The following CNTLN variants were observed in gnomAD, a reference collection of about 807,000 sequenced individuals.
CNTLN encodes the protein centlein, centrosomal protein.
CNTLN carries 212 observed loss-of-function variants against 180.0 expected under a neutral mutation model. The ratio of observed to expected loss-of-function variants is 1.18; its 90% confidence interval spans 1.05 to 1.32. The LOEUF (loss-of-function observed/expected upper bound fraction) is 1.32, where lower values mean the gene tolerates loss of function less well. CNTLN is among the 40% of genes most tolerant of loss of function. The pLI is 0.00. For synonymous variants in CNTLN, 722 were observed against 563.1 expected (o/e 1.28, Z -3.99); for missense variants, 2,095 against 1,610.9 (o/e 1.30, Z -5.14).
intron 12 of CNTLN, among the ~76,000 whole-genome samples, chr9:17,343,787 C>A (rs148646006): frequency 1.3e-5 from 2 of 152,180 alleles, no homozygotes; most frequent in African/African-American, 2.4e-5. Context: ...TTTATCACCC[C>A]CCGCTACTCT....
At chr9:17,347,986 C>T (rs1288954961) in intron 12 of CNTLN, among the ~76,000 whole-genome samples, 1 of 151,942 alleles carries the variant, frequency 6.6e-6, no homozygotes, top group African/African-American at 2.4e-5. Flanking sequence ...TGCTAGCCAC[C>T]ACTTCTGGCT....
At chr9:17,275,069 C>T (rs1383780395) in intron 6 of CNTLN, among the ~76,000 whole-genome samples, 2 of 151,868 alleles carry the variant, frequency 1.3e-5, no homozygotes, top group Non-Finnish European at 1.5e-5. Context: ...AAAACAATAA[C>T]GAAGTCAGAA....
At chr9:17,432,757 T>C (rs940188597) in intron 18 of CNTLN, among the ~76,000 whole-genome samples, 7 of 152,118 alleles carry the variant, frequency 4.6e-5, no homozygotes, top group African/African-American at 1.7e-4. Flanking sequence ...TGGTGGCTCA[T>C]GCCTGTAATC....
the CNTLN span, among the ~76,000 whole-genome samples, chr9:17,514,564 G>A: frequency 6.6e-6 from 1 of 152,048 alleles, no homozygotes; most frequent in African/African-American, 2.4e-5. Context: ...CCTAAAAAGA[G>A]AACTATAAAT....
intron 5 of CNTLN, among the ~76,000 whole-genome samples, chr9:17,262,176 A>G (rs1827040335): frequency 6.6e-6 from 1 of 151,590 alleles, no homozygotes; most frequent in Non-Finnish European, 1.5e-5. Context: ...GCGATTCCTC[A>G]GGGATCTAGA....
chr9:17,332,321 G>C (rs1820698958), intron 9 of CNTLN, among the ~76,000 whole-genome samples: 1 of 151,922 alleles, frequency 6.6e-6, no homozygotes, highest in Admixed American at 6.6e-5. Context: ...GAGGTTTCTT[G>C]CATTTCTGAG....
chr9:17,174,698 G>GAAAAAAAA (rs34784210), intron 2 of CNTLN, among the ~76,000 whole-genome samples: 1,633 of 124,328 alleles, frequency 0.013, 33 homozygotes, highest in African/African-American at 0.046. Context: ...TCCGTCTCAG[G>GAAAAAAAA]AAAAAAAAAA....
chr9:17,266,169 G>T (rs1827423468), intron 5 of CNTLN, among the ~76,000 whole-genome samples: 1 of 151,832 alleles, frequency 6.6e-6, no homozygotes, highest in African/African-American at 2.4e-5. Context: ...TCTCTTTTGG[G>T]CATTTAGTGC....
chr9:17,374,820 A>T (rs543994530), intron 13 of CNTLN, among the ~76,000 whole-genome samples: 5 of 151,898 alleles, frequency 3.3e-5, no homozygotes, highest in African/African-American at 1.2e-4. Context: ...AGATTATGCC[A>T]CTGCACTCCA....
rs371270152 is a variant in CNTLN, at chr9:17,394,703, G to T, written c.2249G>T (p.Ser750Ile). ...GAGCTAGAACAGATAATAAAGGGGAGTAAAGATGTAGAAAAAGAAAATACT... is the reference window on the plus strand; with the variant it reads ...GAGCTAGAACAGATAATAAAGGGGATTAAAGATGTAGAAAAAGAAAATACT... ...EKELEQIIKGSKDVEKENTEL... is the reference protein window; with the variant it reads ...EKELEQIIKGIKDVEKENTEL... The change falls in exon 15 of 26, where the codon AGT becomes ATT. Residue 750 changes from serine to isoleucine, a missense_variant. By Grantham distance (142) the Ser-to-Ile change is moderately radical (BLOSUM62 -2). Coordinates refer to ENST00000380647, the MANE Select transcript of CNTLN (RefSeq NM_017738.4). The T allele has an allele frequency of 1.5e-5, 25 of 1,613,826 alleles. No homozygotes were observed. The highest frequency in any genetic ancestry group is 1.8e-5 in the Non-Finnish European group (21 of 1,179,970).
chr9:17,397,191 A>G (rs1232900087), intron 15 of CNTLN, among the ~76,000 whole-genome samples: 1 of 152,142 alleles, frequency 6.6e-6, no homozygotes, highest in Non-Finnish European at 1.5e-5. Context: ...GTGTTTCCAG[A>G]AAGAGGTCCC....
intron 8 of CNTLN, among the ~76,000 whole-genome samples, chr9:17,315,949 T>G (rs1398100760): frequency 3.4e-5 from 2 of 58,884 alleles, no homozygotes; most frequent in Non-Finnish European, 8.8e-5. Context: ...TGTCTATTTC[T>G]CCTTTCTGTT....
At position 17,270,947 on chromosome 9, in the gene CNTLN, C is replaced by CTTTTTTTT. The variant is rs78896738; in HGVS notation, c.850-2772_850-2765dup. Among the ~76,000 whole-genome samples the CTTTTTTTT allele has an allele frequency of 1.8e-4, 22 of 122,132 alleles. 1 individual carries two copies. The highest frequency in any genetic ancestry group is 1.0e-3 in the South Asian group (4 of 3,812). The allele number at this position is 122,132 out of a possible 152,430, so 80.1% of individuals were successfully genotyped here. A position where few individuals can be genotyped will look rare whatever the true frequency, so the allele number is the denominator to read the frequency against. ...AGGGCATTTCCTTCAGAGAGGAGTT[C>CTTTTTTTT]TTTTTTTTTTTTTTTTTTTTTGAGA... On this transcript the variant is annotated intron_variant, in intron 5 of 25. Transcript: ENST00000380647.
chr9:17,195,267 G>A lies in CNTLN; in HGVS notation c.450-30936G>A, dbSNP rs79946561. ...GCAAGTAGTTACTGAAAGCTAAGTC[G>A]GTTTGAGAGGTCATACTAATGATTT... On this transcript the variant is annotated intron_variant, in intron 2 of 25. Coordinates refer to ENST00000380647, the MANE Select transcript of CNTLN (RefSeq NM_017738.4). Among the ~76,000 whole-genome samples the A allele has an allele frequency of 7.2e-5, 11 of 152,274 alleles. No homozygotes were observed. The East Asian group carries it at 1.9e-3, about 27-fold the overall frequency.
At chr9:17,137,950 T>C (rs1817833223) in intron 1 of CNTLN, among the ~76,000 whole-genome samples, 1 of 152,144 alleles carries the variant, frequency 6.6e-6, no homozygotes, top group African/African-American at 2.4e-5. Flanking sequence ...CTATAAATAA[T>C]GCTTATATGA....
At chr9:17,513,344 C>G in the CNTLN span, among the ~76,000 whole-genome samples, 1 of 151,614 alleles carries the variant, frequency 6.6e-6, no homozygotes. Flanking sequence ...GAATTAATAG[C>G]TCCAAAAGTG....
chr9:17,444,843 T>A (rs11999234), intron 18 of CNTLN, among the ~76,000 whole-genome samples: 5,378 of 152,238 alleles, frequency 0.035, 128 homozygotes, highest in South Asian at 0.13. Context: ...ATGGTAGAAG[T>A]TCCTATGTGG....
At chr9:17,300,579 C>T (rs1587574451) in intron 7 of CNTLN, 1 of 152,156 alleles carries the variant, frequency 6.6e-6, no homozygotes, top group South Asian at 2.1e-4. Context: ...CAGTAACTTG[C>T]CAGTTTCTTT....
intron 18 of CNTLN, among the ~76,000 whole-genome samples, chr9:17,456,482 C>CACTT (rs969297766): frequency 6.6e-6 from 1 of 152,060 alleles, no homozygotes; most frequent in African/African-American, 2.4e-5. Flanking sequence ...TAATAATATG[C>CACTT]ACTTACATAT....
Sources: allele counts gnomAD v4.1 joint callset (sites outside exome capture counted in the v4.1 genomes callset), GRCh38; gene constraint gnomAD v4.1.1; transcripts MANE v1.5; gene names NCBI Gene and HGNC (gene_info 2026-07-23, HGNC 2026-07-21).